The following ATP6V1E1 variants were observed in gnomAD, a reference collection of about 807,000 sequenced individuals.
ATP6V1E1 encodes ATPase H+ transporting V1 subunit E1, also known as V-type proton ATPase subunit E 1.
ATP6V1E1 carries 21 observed loss-of-function variants against 35.2 expected under a neutral mutation model. The observed-to-expected ratio is 0.60, with a 90% CI of 0.42 to 0.86. ATP6V1E1 has a LOEUF of 0.86. ATP6V1E1 is among the 40% of genes least tolerant of loss of function. ATP6V1E1 has a pLI of 0.00. For synonymous variants in ATP6V1E1, 83 were observed against 87.8 expected (o/e 0.95, Z 0.30); for missense variants, 183 against 272.6 (o/e 0.67, Z 2.32).
intron 1 of ATP6V1E1, among the ~76,000 whole-genome samples, chr22:17,620,987 G>T (rs1280160969): frequency 6.6e-6 from 1 of 152,036 alleles, no homozygotes; most frequent in Non-Finnish European, 1.5e-5. Context: ...GCGTGAACCC[G>T]GGAGGCGAAG....
intron 2 of ATP6V1E1, among the ~76,000 whole-genome samples, chr22:17,618,019 A>T (rs1281084070): frequency 6.6e-6 from 1 of 152,098 alleles, no homozygotes; most frequent in East Asian, 1.9e-4. Flanking sequence ...CATGTTGGCC[A>T]GGCTGGTCTT....
chr22:17,602,380 C>CTTTT (rs35255555), intron 4 of ATP6V1E1, among the ~76,000 whole-genome samples: 1 of 147,278 alleles, frequency 6.8e-6, no homozygotes. Flanking sequence ...AAACTCAAGG[C>CTTTT]TTTTTTTTTT....
At chr22:17,609,185 G>A (rs973442780) in intron 4 of ATP6V1E1, among the ~76,000 whole-genome samples, 29 of 151,836 alleles carry the variant, frequency 1.9e-4, no homozygotes, top group Admixed American at 9.8e-4. Flanking sequence ...TTTTTGAGCG[G>A]AGTCTCACTC....
chr22:17,626,802 T>C (rs1388892325), intron 1 of ATP6V1E1, among the ~76,000 whole-genome samples: 2 of 151,982 alleles, frequency 1.3e-5, no homozygotes, highest in East Asian at 3.9e-4. Flanking sequence ...AGTGCTGGGA[T>C]TACAGGCATG....
At chr22:17,614,694 C>T (rs1013026235) in intron 2 of ATP6V1E1, among the ~76,000 whole-genome samples, 7 of 148,726 alleles carry the variant, frequency 4.7e-5, no homozygotes, top group African/African-American at 1.7e-4. Flanking sequence ...GTTGCCTGGG[C>T]ACGGTGGCTC....
In ATP6V1E1 at chr22:17,614,589, T is replaced by C. The variant is rs550629001; in HGVS notation, c.100-1269A>G. On this transcript the variant is annotated intron_variant, in intron 2 of 8. Transcript: ENST00000253413. ...CAAGAGGGAGAGGTAGGAGAAATGC[T>C]TGAACCCAGGAGGTGGAGGTTGCAG... 9.3e-4 allele frequency among the ~76,000 whole-genome samples: 141 copies of C among 151,702 alleles called. 1 individual carries two copies. The highest frequency in any genetic ancestry group is 3.9e-4 in the Admixed American group (6 of 15,230).
rs778806542 is a variant in ATP6V1E1 at position 17,598,291 on chromosome 22, G to A, written c.436-3C>T. 4.3e-6 allele frequency: 7 copies of A among 1,609,458 alleles called. No individual in the cohort carries two copies. In the Admixed American group the frequency reaches 1.0e-4, roughly 23 times the overall value. On this transcript the variant is annotated splice_region_variant and splice_polypyrimidine_tract_variant and intron_variant, in intron 6 of 8. Coordinates refer to ENST00000253413, the MANE Select transcript of ATP6V1E1 (RefSeq NM_001696.4). ...GGAATTGCCTTCTGCACTGCAGCCT[G>A]GAAGTATAGAACACAATGAGAGGTG...
chr22:17,597,350 C>A (rs1338827258), intron 7 of ATP6V1E1, among the ~76,000 whole-genome samples: 1 of 151,926 alleles, frequency 6.6e-6, no homozygotes, highest in South Asian at 2.1e-4. Context: ...ACTGGCTCTC[C>A]CCTTGTCAGG....
rs765467937 is a variant in ATP6V1E1, at chr22:17,599,983, GA to G, written c.435+43del. 5 of 1,242,412 alleles carry G rather than the reference GA, an allele frequency of 4.0e-6. No individual in the cohort carries two copies. The Admixed American group carries it at 6.1e-5, about 15-fold the overall frequency. The allele number at this position is 1,242,412 out of a possible 1,614,324, so 77.0% of individuals were successfully genotyped here. ...AAAGAGAGAGGGGAAGGAAGAAAGG[GA>G]GGGGGGAGGGAGGGAGGGAAAAAAT... On this transcript the variant is annotated intron_variant, in intron 6 of 8. Coordinates refer to ENST00000253413, the MANE Select transcript of ATP6V1E1 (RefSeq NM_001696.4).
Position 17,620,552 on chromosome 22 carries a change from T to C in ATP6V1E1, c.34-1026A>G, listed in dbSNP as rs980341507. Among the ~76,000 whole-genome samples, 6 of 151,788 alleles carry C rather than the reference T, an allele frequency of 4.0e-5. No individual in the cohort carries two copies. The South Asian group carries it at 1.2e-3, about 31-fold the overall frequency. On this transcript the variant is annotated intron_variant, in intron 1 of 8. Transcript: ENST00000253413. ...ATACTCTTCCACTCTTTTGGGGCCA[T>C]ACTCTTCCACTCTGCCTCCTAGACA...
At chr22:17,625,088 T>A (rs765057540) in intron 1 of ATP6V1E1, among the ~76,000 whole-genome samples, 15 of 152,164 alleles carry the variant, frequency 9.9e-5, no homozygotes, top group Non-Finnish European at 2.2e-4. Context: ...ACCCTTTGGT[T>A]CTGTAAGAAT....
chr22:17,614,628 C>CG (rs1042421890), intron 2 of ATP6V1E1, among the ~76,000 whole-genome samples: 5 of 149,790 alleles, frequency 3.3e-5, no homozygotes, highest in Non-Finnish European at 7.4e-5. Flanking sequence ...GCTGAGATCA[C>CG]GCCATTGCAC....
intron 4 of ATP6V1E1, among the ~76,000 whole-genome samples, chr22:17,601,766 C>A (rs190533942): frequency 3.2e-4 from 48 of 152,314 alleles, no homozygotes; most frequent in Middle Eastern, 3.4e-3. Context: ...ACCACCACGC[C>A]CAGCTAATTC....
At chr22:17,617,922 G>A (rs749996041) in intron 2 of ATP6V1E1, among the ~76,000 whole-genome samples, 9 of 152,172 alleles carry the variant, frequency 5.9e-5, no homozygotes, top group Middle Eastern at 3.2e-3. Flanking sequence ...CGATTCTCCC[G>A]CCTCAGCCTC....
At chr22:17,598,533 G>A (rs898975251) in intron 6 of ATP6V1E1, among the ~76,000 whole-genome samples, 13 of 152,208 alleles carry the variant, frequency 8.5e-5, no homozygotes, top group African/African-American at 3.1e-4. Context: ...AAACACACCA[G>A]AGGCAGTTAT....
At chr22:17,611,778 A>G (rs536171290) in intron 4 of ATP6V1E1, among the ~76,000 whole-genome samples, 3 of 152,338 alleles carry the variant, frequency 2.0e-5, no homozygotes, top group Admixed American at 2.0e-4. Flanking sequence ...AAATCCATCA[A>G]CACTAACACT....
At chr22:17,626,945 G>A (rs1268412875) in intron 1 of ATP6V1E1, among the ~76,000 whole-genome samples, 3 of 150,722 alleles carry the variant, frequency 2.0e-5, no homozygotes, top group Non-Finnish European at 4.4e-5. Context: ...AAAGTGCTGG[G>A]GGCTACAGGT....
At chr22:17,619,073 C>T (rs2057861658) in intron 2 of ATP6V1E1, 1 of 455,454 alleles carries the variant, frequency 2.2e-6, no homozygotes, top group African/African-American at 2.0e-5. Flanking sequence ...GTAGGCGGAT[C>T]ACAAGGTCAA....
Position 17,598,195 on chromosome 22 carries a change from T to A in ATP6V1E1, c.529A>T (p.Ile177Leu). 1 of 1,610,406 alleles carries A rather than the reference T, an allele frequency of 6.2e-7. No individual in the cohort carries two copies. The highest frequency in any genetic ancestry group is 8.5e-7 in the Non-Finnish European group (1 of 1,176,956). ...IDQESYLPED[I>L]AGGVEIYNGD... ...GTTAGCAGCAGGAATACTCCTTACA[T>A]GTCTTCAGGCAGGTAGGACTCCTGG... Residue 177 changes from isoleucine (I) to leucine (L), a missense_variant and splice_region_variant, in exon 7 of 9, where the codon ATA (isoleucine) becomes TTA (leucine). Physicochemically the swap from Ile to Leu is conservative, Grantham distance 5. Coordinates refer to ENST00000253413, the MANE Select transcript of ATP6V1E1 (RefSeq NM_001696.4).
Sources: gnomAD v4.1 joint callset for allele counts (sites outside exome capture counted in the v4.1 genomes callset) on GRCh38, gnomAD v4.1.1 for gene constraint, MANE v1.5 for transcripts, NCBI Gene and HGNC (gene_info 2026-07-23, HGNC 2026-07-21) for gene names.